Variants in TTC29 observed in about 807,000 individuals in gnomAD.
TTC29 encodes tetratricopeptide repeat domain 29, also known as tetratricopeptide repeat protein 29.
A neutral mutation model predicts 58.1 loss-of-function variants in TTC29; 49 were observed. The observed-to-expected ratio is 0.84, with a 90% CI of 0.67 to 1.07. TTC29 has a LOEUF of 1.07. Among genes scored for constraint, TTC29 ranks in the 50% least tolerant of loss-of-function variants. TTC29 has a pLI of 0.00. For missense variants in TTC29, 582 were observed against 555.6 expected (o/e 1.05, Z -0.48); for synonymous variants, 209 against 196.8 (o/e 1.06, Z -0.52).
At chr4:146,758,324 C>G (rs1346653980) in intron 11 of TTC29, among the ~76,000 whole-genome samples, 1 of 152,084 alleles carries the variant, frequency 6.6e-6, no homozygotes, top group Non-Finnish European at 1.5e-5. Context: ...AACACTGGAG[C>G]TCCCAAAATT....
intron 6 of TTC29, among the ~76,000 whole-genome samples, chr4:146,893,931 A>G (rs1160622364): frequency 1.8e-4 from 27 of 152,272 alleles, no homozygotes; most frequent in Admixed American, 5.2e-4. Context: ...ATGAAAAAAT[A>G]CTCATCATCA....
At chr4:146,776,559 C>T (rs903956267) in intron 11 of TTC29, among the ~76,000 whole-genome samples, 1 of 152,074 alleles carries the variant, frequency 6.6e-6, no homozygotes, top group Non-Finnish European at 1.5e-5. Flanking sequence ...TTTAGCTCAG[C>T]CCTCCTGTTC....
intron 11 of TTC29, among the ~76,000 whole-genome samples, chr4:146,757,930 A>G (rs1198770674): frequency 6.6e-6 from 1 of 151,994 alleles, no homozygotes; most frequent in African/African-American, 2.4e-5. Context: ...AAAACCAAAA[A>G]AAAACAAAAA....
chr4:146,889,722 T>A (rs1023759985), intron 6 of TTC29, among the ~76,000 whole-genome samples: 18 of 152,168 alleles, frequency 1.2e-4, no homozygotes, highest in African/African-American at 4.3e-4. Flanking sequence ...TGTGACATCT[T>A]TATGTTAAAT....
At chr4:146,809,254 T>A (rs1750842551) in intron 10 of TTC29, among the ~76,000 whole-genome samples, 1 of 149,904 alleles carries the variant, frequency 6.7e-6, no homozygotes, top group Admixed American at 6.9e-5. Context: ...GATTAAAAAC[T>A]TAAACGTAAG....
chr4:146,776,439 T>C (rs1036037339), intron 11 of TTC29, among the ~76,000 whole-genome samples: 1 of 147,880 alleles, frequency 6.8e-6, no homozygotes, highest in African/African-American at 2.6e-5. Flanking sequence ...GTCCTTTGGA[T>C]GTTTTTTTTT....
intron 4 of TTC29, among the ~76,000 whole-genome samples, chr4:146,920,403 C>T (rs1008202658): frequency 5.3e-5 from 8 of 150,808 alleles, no homozygotes; most frequent in African/African-American, 1.9e-4. Context: ...AAATAGTATA[C>T]ATTGAGTTGT....
chr4:146,751,366 A>G (rs1180979192), intron 11 of TTC29, among the ~76,000 whole-genome samples: 1 of 152,244 alleles, frequency 6.6e-6, no homozygotes, highest in African/African-American at 2.4e-5. Context: ...AAATGGACTT[A>G]CAAACATATA....
At chr4:146,937,559 C>A in intron 4 of TTC29, 35 bp downstream of exon 4, 2 of 1,309,122 alleles carry the variant, frequency 1.5e-6, no homozygotes, top group Non-Finnish European at 2.1e-6. Context: ...AAGAAACAAA[C>A]TTTATATTAA....
At chr4:146,884,867 T>C (rs1379399517) in intron 6 of TTC29, among the ~76,000 whole-genome samples, 2 of 152,076 alleles carry the variant, frequency 1.3e-5, no homozygotes, top group African/African-American at 4.8e-5. Context: ...GTTTATGCCA[T>C]TTTCTCTTGC....
At chr4:146,918,526 A>T (rs1199180990) in intron 4 of TTC29, among the ~76,000 whole-genome samples, 3 of 151,352 alleles carry the variant, frequency 2.0e-5, no homozygotes, top group African/African-American at 7.2e-5. Flanking sequence ...CATTAAAGGC[A>T]GTCACTTTTT....
intron 11 of TTC29, among the ~76,000 whole-genome samples, chr4:146,743,503 T>A (rs12108628): frequency 0.048 from 7,339 of 152,254 alleles, 608 homozygotes; most frequent in African/African-American, 0.17. Context: ...TGCTCTTTTT[T>A]TTCTTTTATG....
chr4:146,728,677 T>G (rs1743980677), intron 11 of TTC29, among the ~76,000 whole-genome samples: 1 of 147,980 alleles, frequency 6.8e-6, no homozygotes. Flanking sequence ...TATACACATA[T>G]ATGATTATAT....
At chr4:146,725,820 G>A (rs537605350) in intron 11 of TTC29, among the ~76,000 whole-genome samples, 10 of 152,084 alleles carry the variant, frequency 6.6e-5, no homozygotes, top group Admixed American at 6.5e-5. Flanking sequence ...CCACATATTC[G>A]GAAAGCCAAG....
In TTC29 at chr4:146,879,317, A is replaced by G. The variant is rs1490033744; in HGVS notation, c.587-4389T>C. On this transcript the variant is annotated intron_variant, in intron 6 of 12. Transcript: ENST00000325106. ...AATATGCAAGCATTTCCCTTTAAGC[A>G]TGATTAACAATGATATGATTTCCAT... 2.0e-5 allele frequency among the ~76,000 whole-genome samples: 3 copies of G among 152,282 alleles called. No individual in the cohort carries two copies. In the East Asian group the frequency reaches 5.8e-4, roughly 29 times the overall value.
chr4:146,932,931 G>A (rs1265436613), intron 4 of TTC29, among the ~76,000 whole-genome samples: 4 of 152,062 alleles, frequency 2.6e-5, no homozygotes, highest in Admixed American at 6.5e-5. Flanking sequence ...GGTGGCGGAC[G>A]CCTGTAGTCC....
At position 146,942,596 on chromosome 4, in the gene TTC29, G is replaced by A. The variant is rs1288873821; in HGVS notation, c.-7+2435C>T. The A allele has an allele frequency of 8.5e-6, 13 of 1,533,042 alleles. No individual in the cohort carries two copies. The East Asian group carries it at 3.2e-4, about 37-fold the overall frequency. 95.0% of individuals were successfully genotyped at this position (1,533,042 alleles called of 1,614,324 possible). ...CCCAAGAGCTTACTTCAGAGGAGCT[G>A]TGAAGACTTTTCCACAGAGTTCCAG... On this transcript the variant is annotated intron_variant, in intron 2 of 12. Transcript: ENST00000325106.
intron 11 of TTC29, among the ~76,000 whole-genome samples, chr4:146,765,485 G>A (rs892110649): frequency 2.0e-5 from 3 of 152,120 alleles, no homozygotes; most frequent in Admixed American, 6.6e-5. Flanking sequence ...ACAGGCACGA[G>A]CCAACGCGCT....
At chr4:146,823,027 C>A (rs1327527419) in intron 9 of TTC29, among the ~76,000 whole-genome samples, 1 of 151,794 alleles carries the variant, frequency 6.6e-6, no homozygotes, top group Admixed American at 6.6e-5. Context: ...GGGTGGATTG[C>A]AAAAGTGTTC....
Sources: gnomAD v4.1 joint callset for allele counts (sites outside exome capture counted in the v4.1 genomes callset) on GRCh38, gnomAD v4.1.1 for gene constraint, MANE v1.5 for transcripts, NCBI Gene and HGNC (gene_info 2026-07-23, HGNC 2026-07-21) for gene names.